GRHL2: variants seen among roughly 807,000 people sequenced by gnomAD.
GRHL2 encodes the protein grainyhead-like protein 2 homolog.
In GRHL2, 21 loss-of-function variants were observed where a neutral mutation model predicts 83.8. The ratio of observed to expected loss-of-function variants is 0.25; its 90% CI spans 0.18 to 0.36. GRHL2 has a LOEUF of 0.36. GRHL2 is among the 10% of genes least tolerant of loss of function. The probability of loss-of-function intolerance (pLI) is 1.00; values close to 1 mark genes in which losing one functional copy is unlikely to be tolerated. For missense variants in GRHL2, 623 were observed against 781.8 expected (o/e 0.80, Z 2.42); for synonymous variants, 280 against 278.9 (o/e 1.00, Z -0.04).
intron 1 of GRHL2, among the ~76,000 whole-genome samples, chr8:101,511,676 T>TA (rs1810468794): frequency 6.6e-6 from 1 of 151,262 alleles, no homozygotes; most frequent in African/African-American, 2.4e-5. Context: ...TTTTTTTTTT[T>TA]AAATATCTTC....
At chr8:101,676,617 T>C in the GRHL2 span, among the ~76,000 whole-genome samples, 1 of 152,192 alleles carries the variant, frequency 6.6e-6, no homozygotes, top group Non-Finnish European at 1.5e-5. Context: ...TTTGTGGGAC[T>C]GTAAACTAGT....
chr8:101,667,164 G>C lies in GRHL2; in HGVS notation c.*461G>C, dbSNP rs910958802. On this transcript the variant is annotated 3_prime_UTR_variant, in exon 16 of 16. Transcript: ENST00000646743. Reference sequence around the variant, plus strand: ...GCTACGTCTGGGTGCAGTAGTTATAGGTGGGGCAAGAGGTGGATGCCCACT... The same window carrying C: ...GCTACGTCTGGGTGCAGTAGTTATACGTGGGGCAAGAGGTGGATGCCCACT... The C allele has an allele frequency of 4.5e-6, 1 of 224,268 alleles. No homozygotes were observed. Among genetic ancestry groups the C allele is most frequent in the Non-Finnish European group, 9.1e-6 (1 of 110,120 alleles). The allele number at this position is 224,268 out of a possible 1,614,324, so 13.9% of individuals were successfully genotyped here. A position where few individuals can be genotyped will look rare whatever the true frequency, so the allele number is the denominator to read the frequency against.
chr8:101,516,143 C>G (rs868389199), intron 1 of GRHL2, among the ~76,000 whole-genome samples: 1 of 152,134 alleles, frequency 6.6e-6, no homozygotes, highest in Non-Finnish European at 1.5e-5. Context: ...GGTCCGGTGC[C>G]CATTTGCCTA....
intron 14 of GRHL2, among the ~76,000 whole-genome samples, chr8:101,652,713 C>G (rs1354290523): frequency 6.6e-6 from 1 of 151,822 alleles, no homozygotes; most frequent in Non-Finnish European, 1.5e-5. Flanking sequence ...GTGCCTCTTG[C>G]TAGCTGGACA....
At chr8:101,665,003 T>C (rs2129770782) in intron 15 of GRHL2, among the ~76,000 whole-genome samples, 1 of 152,340 alleles carries the variant, frequency 6.6e-6, no homozygotes, top group South Asian at 2.1e-4. Flanking sequence ...AGGTCATATT[T>C]ACTGGGTGTT....
chr8:101,517,458 AGCAAG>A (rs1810595061), intron 1 of GRHL2, among the ~76,000 whole-genome samples: 1 of 152,194 alleles, frequency 6.6e-6, no homozygotes, highest in Non-Finnish European at 1.5e-5. Context: ...AATAACATTA[AGCAAG>A]CCACTAATGG....
rs377079658 is a variant in GRHL2, at chr8:101,664,442, T to C, written c.1699-12T>C. ...TCTGTGCTCATCTGCCTTCTTGTTA[T>C]TGGTATTACAGATATCTGAGAAATA... On this transcript the variant is annotated splice_polypyrimidine_tract_variant and intron_variant, in intron 14 of 15. Coordinates refer to ENST00000646743, the MANE Select transcript of GRHL2 (RefSeq NM_024915.4). The C allele has an allele frequency of 1.4e-5, 23 of 1,608,016 alleles. No homozygotes were observed. The highest frequency in any genetic ancestry group is 2.7e-5 in the African/African-American group (2 of 74,798).
At chr8:101,542,251 CTCTT>C (rs956333627) in intron 1 of GRHL2, among the ~76,000 whole-genome samples, 6 of 152,280 alleles carry the variant, frequency 3.9e-5, no homozygotes, top group East Asian at 3.9e-4. Context: ...AACCTGCTCT[CTCTT>C]AGGGTTCCAT....
chr8:101,522,620 T>C (rs1323231036), intron 1 of GRHL2, among the ~76,000 whole-genome samples: 1 of 152,162 alleles, frequency 6.6e-6, no homozygotes, highest in South Asian at 2.1e-4. Flanking sequence ...GAGTGGATGA[T>C]CATGAAGATT....
chr8:101,512,433 T>C (rs1213516267), intron 1 of GRHL2, among the ~76,000 whole-genome samples: 2 of 152,220 alleles, frequency 1.3e-5, no homozygotes, highest in Non-Finnish European at 2.9e-5. Context: ...TGTTATCTTT[T>C]TGGTACTATT....
chr8:101,679,522 C>G, the GRHL2 span, among the ~76,000 whole-genome samples: 1 of 149,638 alleles, frequency 6.7e-6, no homozygotes, highest in South Asian at 2.1e-4. Flanking sequence ...TCCAGGAGAA[C>G]TTCCCCAATC....
At chr8:101,540,670 G>A (rs1234539883) in intron 1 of GRHL2, among the ~76,000 whole-genome samples, 2 of 152,058 alleles carry the variant, frequency 1.3e-5, no homozygotes, top group Non-Finnish European at 2.9e-5. Context: ...CACACAAAGG[G>A]CCCTTGACAC....
intron 1 of GRHL2, among the ~76,000 whole-genome samples, chr8:101,520,430 G>A (rs1263906444): frequency 2.0e-5 from 3 of 152,118 alleles, no homozygotes; most frequent in Non-Finnish European, 2.9e-5. Flanking sequence ...TTATAAAGAT[G>A]ATTTTTCTCA....
intron 7 of GRHL2, among the ~76,000 whole-genome samples, chr8:101,596,137 A>T (rs910427165): frequency 6.6e-6 from 1 of 151,478 alleles, no homozygotes; most frequent in Non-Finnish European, 1.5e-5. Context: ...AAAAATAAAA[A>T]AAATAAAATA....
chr8:101,541,156 G>A (rs1811146300), intron 1 of GRHL2, among the ~76,000 whole-genome samples: 2 of 36,686 alleles, frequency 5.5e-5, no homozygotes, highest in Admixed American at 7.4e-4. Context: ...TGGTGTGTGT[G>A]TGTGTGTGTG....
chr8:101,502,749 C>CTCT (rs912456155), intron 1 of GRHL2, among the ~76,000 whole-genome samples: 3 of 151,862 alleles, frequency 2.0e-5, no homozygotes, highest in African/African-American at 7.3e-5. Flanking sequence ...CCTCCTCCTC[C>CTCT]TCTTCCTCCT....
intron 14 of GRHL2, among the ~76,000 whole-genome samples, chr8:101,652,611 GTGGT>G (rs1300927781): frequency 6.0e-4 from 60 of 100,512 alleles, no homozygotes; most frequent in Non-Finnish European, 8.7e-4. Flanking sequence ...GTGTGTGTGT[GTGGT>G]GTGTGTGTGT....
chr8:101,676,376 C>T, the GRHL2 span, among the ~76,000 whole-genome samples: 1 of 150,678 alleles, frequency 6.6e-6, no homozygotes, highest in Admixed American at 6.6e-5. Flanking sequence ...AAAAAACAAA[C>T]AACCCCATCA....
intron 1 of GRHL2, among the ~76,000 whole-genome samples, chr8:101,527,943 C>T (rs996227135): frequency 6.6e-6 from 1 of 152,074 alleles, no homozygotes; most frequent in African/African-American, 2.4e-5. Context: ...AAGTTTTTTC[C>T]CAGTATTTGT....
Sources: gnomAD v4.1 joint callset for allele counts (sites outside exome capture counted in the v4.1 genomes callset) on GRCh38, gnomAD v4.1.1 for gene constraint, MANE v1.5 for transcripts, NCBI Gene and HGNC (gene_info 2026-07-23, HGNC 2026-07-21) for gene names.